MTAP: variants seen among roughly 807,000 people sequenced by gnomAD.
MTAP encodes the protein S-methyl-5'-thioadenosine phosphorylase.
A neutral mutation model predicts 33.6 loss-of-function variants in MTAP; 33 were observed. The observed-to-expected ratio is 0.98, with a 90% CI of 0.74 to 1.31. The LOEUF (loss-of-function observed/expected upper bound fraction) is 1.31, where lower values mean the gene tolerates loss of function less well. MTAP is among the 40% of genes most tolerant of loss of function. The pLI is 0.00. For synonymous variants in MTAP, 148 were observed against 125.7 expected, an observed-to-expected ratio of 1.18 and a Z score of -1.19; for missense variants, 367 against 360.0, an observed-to-expected ratio of 1.02 and a Z score of -0.16.
In MTAP at chr9:21,914,041, C is replaced by T. The variant is rs1818631911; in HGVS notation, c.148-16967C>T. Among the ~76,000 whole-genome samples the T allele has an allele frequency of 2.0e-5, 3 of 152,198 alleles. No homozygotes were observed. In the South Asian group the frequency reaches 6.2e-4, roughly 31 times the overall value. On this transcript the variant is annotated intron_variant, in intron 1 of 1. Transcript: ENST00000577563. ...AGACATATGAAAAAATGCTCATCATCACTGGCCATCAGAGAAATGCAAATC... is the reference window on the plus strand; with the variant it reads ...AGACATATGAAAAAATGCTCATCATTACTGGCCATCAGAGAAATGCAAATC...
At chr9:21,802,995 C>CACACACACAG in intron 1 of MTAP, 1 of 697,912 alleles carries the variant, frequency 1.4e-6, no homozygotes, top group South Asian at 3.2e-5. Flanking sequence ...AACACACACA[C>CACACACACAG]ACACACACAC....
At chr9:21,884,978 G>A (rs1267424194) in intron 1 of MTAP, among the ~76,000 whole-genome samples, 1 of 152,152 alleles carries the variant, frequency 6.6e-6, no homozygotes, top group African/African-American at 2.4e-5. Flanking sequence ...CTTTAGAAGG[G>A]AGGGAAAGGG....
chr9:21,850,742 G>A (rs1051976646), intron 5 of MTAP, among the ~76,000 whole-genome samples: 4 of 152,178 alleles, frequency 2.6e-5, no homozygotes, highest in African/African-American at 2.4e-5. Flanking sequence ...GTCACCATGC[G>A]ACCTGAACTG....
chr9:21,815,082 A>G (rs1013664161), intron 1 of MTAP, among the ~76,000 whole-genome samples: 8 of 152,230 alleles, frequency 5.3e-5, no homozygotes, highest in Admixed American at 2.0e-4. Context: ...GGTACTTTCC[A>G]CTACCATACT....
intron 1 of MTAP, among the ~76,000 whole-genome samples, chr9:21,885,069 G>A (rs1000992122): frequency 6.6e-6 from 1 of 152,044 alleles, no homozygotes; most frequent in East Asian, 1.9e-4. Flanking sequence ...TTAAGCTGAT[G>A]TTTGCTTTAT....
intron 5 of MTAP, among the ~76,000 whole-genome samples, chr9:21,849,039 C>T (rs907624632): frequency 6.6e-6 from 1 of 152,140 alleles, no homozygotes; most frequent in African/African-American, 2.4e-5. Flanking sequence ...ACTTAATTTA[C>T]ATAAGCAGAA....
chr9:21,908,703 C>T (rs1389857954), intron 1 of MTAP, among the ~76,000 whole-genome samples: 1 of 151,750 alleles, frequency 6.6e-6, no homozygotes, highest in Non-Finnish European at 1.5e-5. Context: ...TTTTAGTTTT[C>T]CTTTTCTTGC....
intron 1 of MTAP, chr9:21,803,104 G>A (rs887523388): frequency 3.7e-6 from 2 of 543,548 alleles, no homozygotes; most frequent in African/African-American, 2.0e-5. Context: ...GAGAGGTCGT[G>A]GATGGGAGAG....
At chr9:21,860,366 G>C (rs1431157467) in intron 7 of MTAP, 3 of 152,200 alleles carry the variant, frequency 2.0e-5, no homozygotes, top group Admixed American at 6.5e-5. Context: ...CACAGCTCTT[G>C]CAAGCTGGTA....
At chr9:21,807,360 C>T (rs1824234412) in intron 1 of MTAP, among the ~76,000 whole-genome samples, 1 of 152,178 alleles carries the variant, frequency 6.6e-6, no homozygotes. Flanking sequence ...CTGCAAGGGC[C>T]TTCAGCCTGA....
chr9:21,908,793 C>T (rs1367398351), intron 1 of MTAP, among the ~76,000 whole-genome samples: 1 of 151,578 alleles, frequency 6.6e-6, no homozygotes, highest in Non-Finnish European at 1.5e-5. Context: ...CTTTGTATAG[C>T]TTTTTTAGTG....
At chr9:21,816,674 T>TAATA in intron 2 of MTAP, 40 bp from the exon 3 acceptor site, 1 of 1,575,886 alleles carries the variant, frequency 6.3e-7, no homozygotes, top group Non-Finnish European at 8.7e-7. Flanking sequence ...TACCTGTTTT[T>TAATA]AAATCACTGA....
intron 1 of MTAP, chr9:21,930,828 G>T: frequency 1.5e-6 from 1 of 684,580 alleles, no homozygotes; most frequent in Non-Finnish European, 2.5e-6. Flanking sequence ...CCTAAATCGA[G>T]CCTCCAGCTT....
chr9:21,940,259 G>T (rs989915679), downstream of MTAP, among the ~76,000 whole-genome samples: 1 of 152,196 alleles, frequency 6.6e-6, no homozygotes, highest in African/African-American at 2.4e-5. Context: ...CTTATTAAAA[G>T]TCCCAGCAAA....
At chr9:21,850,075 C>G (rs1477014932) in intron 5 of MTAP, among the ~76,000 whole-genome samples, 1 of 152,194 alleles carries the variant, frequency 6.6e-6, no homozygotes, top group East Asian at 1.9e-4. Context: ...TTTGCTCCCA[C>G]AAGATATCAC....
chr9:21,898,366 G>C (rs1302375076), intron 1 of MTAP, among the ~76,000 whole-genome samples: 1 of 152,108 alleles, frequency 6.6e-6, no homozygotes, highest in African/African-American at 2.4e-5. Flanking sequence ...GGCAACAAAA[G>C]CCAAAATTGA....
chr9:21,907,459 A>C (rs1587288779), intron 1 of MTAP, among the ~76,000 whole-genome samples: 1 of 152,214 alleles, frequency 6.6e-6, no homozygotes, highest in East Asian at 1.9e-4. Flanking sequence ...CAGGAGGCTG[A>C]AGCGAGAGGA....
intron 1 of MTAP, among the ~76,000 whole-genome samples, chr9:21,900,978 A>G (rs7028211): frequency 0.46 from 70,666 of 152,026 alleles, 18,597 homozygotes; most frequent in African/African-American, 0.68. Flanking sequence ...AGTACACATG[A>G]ACACAAAGAA....
chr9:21,820,723 C>T (rs187462053), intron 4 of MTAP, among the ~76,000 whole-genome samples: 33 of 152,272 alleles, frequency 2.2e-4, no homozygotes, highest in African/African-American at 7.2e-4. Context: ...TTACCTATGG[C>T]CATTTTCATG....
Sources: gnomAD v4.1 joint callset for allele counts (sites outside exome capture counted in the v4.1 genomes callset) on GRCh38, gnomAD v4.1.1 for gene constraint, MANE v1.5 for transcripts, NCBI Gene and HGNC (gene_info 2026-07-23, HGNC 2026-07-21) for gene names.